The following ASIC2 variants were observed in gnomAD, a reference collection of about 807,000 sequenced individuals.
ASIC2 encodes acid-sensing ion channel 2.
ASIC2 carries 25 observed loss-of-function variants against 57.3 expected under a neutral mutation model. The observed-to-expected ratio is 0.44, with a 90% confidence interval of 0.32 to 0.61. The LOEUF (loss-of-function observed/expected upper bound fraction) is 0.61. Among genes scored for constraint, ASIC2 ranks in the 20% least tolerant of loss-of-function variants. The probability of loss-of-function intolerance (pLI) is 0.06; values close to 1 mark genes in which losing one functional copy is unlikely to be tolerated. For synonymous variants in ASIC2, 319 were observed against 307.5 expected (o/e 1.04, Z -0.39); for missense variants, 641 against 738.1 (o/e 0.87, Z 1.52).
rs553233106 is a variant in ASIC2 at position 33,110,722 on chromosome 17, G to A, written c.859+1195C>T. ...GCTGTCTCAGCAGCCTGGTAAGCCT[G>A]GGTATGGTGAGTGCCAGACTCTAGA... On this transcript the variant is annotated intron_variant, in intron 2 of 9. Transcript: ENST00000225823. Among the ~76,000 whole-genome samples, 27 of 152,308 alleles carry A rather than the reference G, an allele frequency of 1.8e-4. No individual in the cohort carries two copies. The South Asian group carries it at 5.6e-3, about 32-fold the overall frequency.
chr17:33,702,225 T>G (rs1908725848), intron 1 of ASIC2, among the ~76,000 whole-genome samples: 1 of 152,214 alleles, frequency 6.6e-6, no homozygotes, highest in Non-Finnish European at 1.5e-5. Flanking sequence ...CCAATTGTTG[T>G]AAGGATCAAG....
intron 1 of ASIC2, among the ~76,000 whole-genome samples, chr17:33,236,945 AT>A (rs1908316445): frequency 6.6e-6 from 1 of 152,054 alleles, no homozygotes; most frequent in African/African-American, 2.4e-5. Context: ...GAGACAATAA[AT>A]TTCTGTTGTT....
At chr17:34,039,177 C>A in intron 1 of ASIC2, 1 of 1,613,960 alleles carries the variant, frequency 6.2e-7, no homozygotes, top group South Asian at 1.1e-5. Context: ...CTATTCTTCC[C>A]TCCTTCTTCT....
chr17:33,155,636 T>C (rs1273600066), intron 1 of ASIC2, among the ~76,000 whole-genome samples: 1 of 148,934 alleles, frequency 6.7e-6, no homozygotes, highest in East Asian at 2.0e-4. Context: ...CTCGGATCAC[T>C]GCAACCTCAG....
intron 1 of ASIC2, among the ~76,000 whole-genome samples, chr17:33,737,769 C>T (rs1266092559): frequency 6.6e-6 from 1 of 152,126 alleles, no homozygotes; most frequent in Admixed American, 6.5e-5. Flanking sequence ...ATCCATTCCA[C>T]CCAAGTCAAG....
At chr17:33,393,724 T>C (rs1321731938) in intron 1 of ASIC2, among the ~76,000 whole-genome samples, 2 of 152,168 alleles carry the variant, frequency 1.3e-5, no homozygotes, top group Non-Finnish European at 1.5e-5. Flanking sequence ...AAGATTCAGA[T>C]GGAACCAGGC....
chr17:34,129,096 A>G (rs1433556213), intron 1 of ASIC2, among the ~76,000 whole-genome samples: 1 of 152,180 alleles, frequency 6.6e-6, no homozygotes, highest in Non-Finnish European at 1.5e-5. Context: ...CTCATGAACT[A>G]TGAGAATAAA....
intron 1 of ASIC2, among the ~76,000 whole-genome samples, chr17:33,732,538 T>C (rs1044503207): frequency 2.7e-5 from 4 of 150,686 alleles, no homozygotes; most frequent in Admixed American, 6.6e-5. Flanking sequence ...GTAATCTTGC[T>C]CTATCGCTGG....
chr17:33,018,662 G>T (rs116353369), intron 7 of ASIC2, among the ~76,000 whole-genome samples: 3,712 of 152,318 alleles, frequency 0.024, 152 homozygotes, highest in African/African-American at 0.082. Flanking sequence ...GCCACCAGCT[G>T]GTTGTGTGGC....
intron 1 of ASIC2, among the ~76,000 whole-genome samples, chr17:34,057,169 C>T (rs1436759269): frequency 6.9e-6 from 1 of 144,996 alleles, no homozygotes; most frequent in Non-Finnish European, 1.5e-5. Context: ...ACAAATAAGT[C>T]TATTTACACA....
intron 1 of ASIC2, among the ~76,000 whole-genome samples, chr17:33,512,214 C>T (rs7224103): frequency 0.26 from 40,282 of 152,116 alleles, 6,695 homozygotes; most frequent in African/African-American, 0.47. Flanking sequence ...TCTGCAGTCA[C>T]TATCTATGCT....
chr17:33,727,417 G>A (rs58781491), intron 1 of ASIC2, among the ~76,000 whole-genome samples: 3,230 of 152,202 alleles, frequency 0.021, 101 homozygotes, highest in African/African-American at 0.073. Flanking sequence ...CAATTTGCAG[G>A]GTGATATGGC....
intron 1 of ASIC2, among the ~76,000 whole-genome samples, chr17:33,205,414 T>C (rs1160431659): frequency 2.0e-5 from 3 of 152,216 alleles, no homozygotes; most frequent in African/African-American, 2.4e-5. Flanking sequence ...GTTTTAGAAA[T>C]TGACAAAGCC....
intron 1 of ASIC2, among the ~76,000 whole-genome samples, chr17:33,272,145 T>C (rs562317398): frequency 6.6e-6 from 1 of 152,378 alleles, no homozygotes; most frequent in South Asian, 2.1e-4. Context: ...GCTTCCTGAC[T>C]ACATGAGCTA....
intron 1 of ASIC2, among the ~76,000 whole-genome samples, chr17:34,055,472 T>C (rs2142056722): frequency 6.6e-6 from 1 of 152,328 alleles, no homozygotes; most frequent in Middle Eastern, 3.4e-3. Flanking sequence ...AATCCTAATT[T>C]TGACAAATGA....
chr17:33,966,967 G>A (rs1006566449), intron 1 of ASIC2, among the ~76,000 whole-genome samples: 4 of 151,702 alleles, frequency 2.6e-5, no homozygotes, highest in Admixed American at 2.6e-4. Flanking sequence ...CCTGTTTCTA[G>A]TGTCCTGTTT....
intron 1 of ASIC2, among the ~76,000 whole-genome samples, chr17:33,207,066 G>C (rs1444867776): frequency 1.3e-5 from 2 of 152,110 alleles, no homozygotes; most frequent in Non-Finnish European, 1.5e-5. Context: ...AATGGATGTG[G>C]GTTTTGATTA....
At chr17:33,497,419 C>A (rs1006963907) in intron 1 of ASIC2, among the ~76,000 whole-genome samples, 1 of 151,704 alleles carries the variant, frequency 6.6e-6, no homozygotes, top group African/African-American at 2.4e-5. Context: ...CTTGATGCAA[C>A]TTTTTTTTTC....
At chr17:33,053,556 C>T (rs2091985954) in intron 3 of ASIC2, among the ~76,000 whole-genome samples, 1 of 152,208 alleles carries the variant, frequency 6.6e-6, no homozygotes. Context: ...TCATTTCTCT[C>T]CAGGACTGTT....
Sources: allele counts gnomAD v4.1 joint callset (sites outside exome capture counted in the v4.1 genomes callset), GRCh38; gene constraint gnomAD v4.1.1; transcripts MANE v1.5; gene names NCBI Gene and HGNC (gene_info 2026-07-23, HGNC 2026-07-21).